Variants in SV2C observed in about 807,000 individuals in gnomAD.
SV2C encodes synaptic vesicle glycoprotein 2C.
A neutral mutation model predicts 79.7 loss-of-function variants in SV2C; 49 were observed. That is an observed-to-expected ratio of 0.61 (90% CI 0.49 to 0.78). The LOEUF is 0.78. Ranked by LOEUF, SV2C falls within the 30% of genes least tolerant of loss-of-function variation. The pLI is 0.00. For missense variants in SV2C, 833 were observed against 912.9 expected (o/e 0.91, Z 1.13); for synonymous variants, 334 against 333.2 (o/e 1.00, Z -0.03).
At chr5:76,267,451 T>C (rs1399510577) in intron 4 of SV2C, among the ~76,000 whole-genome samples, 1 of 152,262 alleles carries the variant, frequency 6.6e-6, no homozygotes, top group Non-Finnish European at 1.5e-5. Flanking sequence ...CTTGATGGCC[T>C]GTACCTTTCA....
the SV2C span, among the ~76,000 whole-genome samples, chr5:76,012,619 A>T: frequency 6.6e-6 from 1 of 152,066 alleles, no homozygotes; most frequent in Admixed American, 6.6e-5. Flanking sequence ...ATTAGATCCC[A>T]TTTGTCAATT....
the SV2C span, among the ~76,000 whole-genome samples, chr5:75,961,647 C>G: frequency 6.6e-6 from 1 of 151,768 alleles, no homozygotes; most frequent in East Asian, 1.9e-4. Context: ...TAATTACATA[C>G]CATTTAATAT....
the SV2C span, among the ~76,000 whole-genome samples, chr5:75,952,529 G>A: frequency 0.26 from 38,699 of 151,520 alleles, 6,080 homozygotes; most frequent in Non-Finnish European, 0.37. Context: ...GATCATATGG[G>A]TCAGAGCCCT....
chr5:76,325,542 A>C lies in SV2C; in HGVS notation c.2179A>C (p.Met727Leu). The change falls in exon 13 of 13, where the codon ATG becomes CTG. Residue 727 changes from methionine (M) to leucine (L), a missense_variant. Met to Leu is a conservative substitution (Grantham distance 15). Coordinates refer to ENST00000502798, the MANE Select transcript of SV2C (RefSeq NM_014979.4). ...CLPDTRTQVL[M>L] ...GCCTGACACACGAACCCAGGTTCTG[A>C]TGTAATGGGAAAAAAAGCCATCCTT... The C allele has an allele frequency of 6.2e-7, 1 of 1,613,290 alleles. No individual in the cohort carries two copies. The highest frequency in any genetic ancestry group is 8.5e-7 in the Non-Finnish European group (1 of 1,179,642).
At chr5:76,316,855 A>G (rs375402148) in intron 12 of SV2C, among the ~76,000 whole-genome samples, 36 of 152,176 alleles carry the variant, frequency 2.4e-4, no homozygotes, top group African/African-American at 8.4e-4. Flanking sequence ...ATCACTTTCT[A>G]TGCTCCTGGC....
At chr5:75,974,755 A>G in the SV2C span, among the ~76,000 whole-genome samples, 1 of 152,220 alleles carries the variant, frequency 6.6e-6, no homozygotes, top group Non-Finnish European at 1.5e-5. Context: ...TCCACTAAGC[A>G]AAATATACCT....
chr5:75,965,775 G>A, the SV2C span, among the ~76,000 whole-genome samples: 1 of 151,780 alleles, frequency 6.6e-6, no homozygotes, highest in East Asian at 1.9e-4. Context: ...TGTTGCTAGG[G>A]ATACAGGAAG....
At chr5:76,050,687 A>G in the SV2C span, among the ~76,000 whole-genome samples, 1 of 152,150 alleles carries the variant, frequency 6.6e-6, no homozygotes, top group African/African-American at 2.4e-5. Context: ...AAGCTCTAGT[A>G]TTAAACCTGT....
chr5:76,300,686 C>CA, intron 10 of SV2C, 43 bp from the exon 11 acceptor site: 1 of 1,589,848 alleles, frequency 6.3e-7, no homozygotes, highest in Non-Finnish European at 8.6e-7. Context: ...TGGTGCATGC[C>CA]TGGTAAGAGC....
At chr5:76,155,781 G>C (rs1742703520) in intron 2 of SV2C, among the ~76,000 whole-genome samples, 1 of 151,910 alleles carries the variant, frequency 6.6e-6, no homozygotes, top group Non-Finnish European at 1.5e-5. Flanking sequence ...GTCACTTAGA[G>C]AGAAGCATAC....
chr5:76,248,695 T>C (rs569455936), intron 4 of SV2C, among the ~76,000 whole-genome samples: 16 of 151,772 alleles, frequency 1.1e-4, no homozygotes, highest in Non-Finnish European at 1.6e-4. Flanking sequence ...CTTGGCTCAC[T>C]GCAACCTCCA....
chr5:75,870,557 A>C, the SV2C span, among the ~76,000 whole-genome samples: 1 of 152,182 alleles, frequency 6.6e-6, no homozygotes, highest in Non-Finnish European at 1.5e-5. Flanking sequence ...TATTGGCCTT[A>C]AAGAGGCAGT....
chr5:76,126,301 C>A (rs1748704128), intron 1 of SV2C, among the ~76,000 whole-genome samples: 1 of 152,120 alleles, frequency 6.6e-6, no homozygotes, highest in African/African-American at 2.4e-5. Context: ...TTGCACTGCA[C>A]CTTAAAGAAT....
At chr5:76,145,147 A>G (rs911168655) in intron 2 of SV2C, among the ~76,000 whole-genome samples, 1 of 152,210 alleles carries the variant, frequency 6.6e-6, no homozygotes, top group Non-Finnish European at 1.5e-5. Flanking sequence ...CTGTTTAGGT[A>G]CATAGCAGAA....
the SV2C span, among the ~76,000 whole-genome samples, chr5:75,866,078 C>A: frequency 6.6e-6 from 1 of 152,146 alleles, no homozygotes; most frequent in East Asian, 1.9e-4. Flanking sequence ...CCACTTACTT[C>A]CCTGGCTGCC....
chr5:76,284,587 G>A (rs1001992789), intron 4 of SV2C, among the ~76,000 whole-genome samples: 5 of 152,330 alleles, frequency 3.3e-5, no homozygotes, highest in Admixed American at 1.3e-4. Context: ...ACCCTGACAA[G>A]AGCTGTGGCT....
the SV2C span, among the ~76,000 whole-genome samples, chr5:75,991,599 A>G: frequency 2.0e-5 from 3 of 148,772 alleles, no homozygotes; most frequent in Non-Finnish European, 4.5e-5. Flanking sequence ...ACATATATAT[A>G]TATATGGATA....
At chr5:76,269,983 C>G (rs1200336603) in intron 4 of SV2C, among the ~76,000 whole-genome samples, 2 of 152,064 alleles carry the variant, frequency 1.3e-5, no homozygotes, top group Non-Finnish European at 2.9e-5. Context: ...GATGAATGAC[C>G]CAAATAGCCT....
chr5:75,974,914 GA>G, the SV2C span, among the ~76,000 whole-genome samples: 1 of 152,108 alleles, frequency 6.6e-6, no homozygotes, highest in African/African-American at 2.4e-5. Context: ...TTGAGGCTTT[GA>G]AAAAACTTGT....
Sources: allele counts gnomAD v4.1 joint callset (sites outside exome capture counted in the v4.1 genomes callset), GRCh38; gene constraint gnomAD v4.1.1; transcripts MANE v1.5; gene names NCBI Gene and HGNC (gene_info 2026-07-23, HGNC 2026-07-21).